The following KCNH7 variants were observed in gnomAD, a reference collection of about 807,000 sequenced individuals.
KCNH7 encodes the protein potassium voltage-gated channel subfamily H member 7, also known as voltage-gated inwardly rectifying potassium channel KCNH7.
In KCNH7, 49 loss-of-function variants were observed where a neutral mutation model predicts 120.8. The observed-to-expected ratio is 0.41, with a 90% CI of 0.32 to 0.51. The LOEUF (loss-of-function observed/expected upper bound fraction) is 0.51, where lower values mean the gene tolerates loss of function less well. Among genes scored for constraint, KCNH7 ranks in the 20% least tolerant of loss-of-function variants. The pLI, the probability that KCNH7 is intolerant of heterozygous loss-of-function variation, is 0.38. For synonymous variants in KCNH7, 547 were observed against 516.1 expected, an observed-to-expected ratio of 1.06 and a Z score of -0.81; for missense variants, 1,097 against 1,446.6, an observed-to-expected ratio of 0.76 and a Z score of 3.92.
chr2:162,582,526 C>T (rs1264183382), intron 2 of KCNH7, among the ~76,000 whole-genome samples: 3 of 152,044 alleles, frequency 2.0e-5, no homozygotes, highest in Non-Finnish European at 2.9e-5. Context: ...ACATACAGCG[C>T]TTTGACTCTG....
intron 2 of KCNH7, among the ~76,000 whole-genome samples, chr2:162,728,533 CT>C (rs1192906416): frequency 6.6e-6 from 1 of 152,190 alleles, no homozygotes; most frequent in East Asian, 1.9e-4. Context: ...AATCCCAGCA[CT>C]TTGGGAGGCC....
chr2:162,390,129 T>C (rs1352260869), intron 12 of KCNH7, among the ~76,000 whole-genome samples: 1 of 151,888 alleles, frequency 6.6e-6, no homozygotes, highest in Non-Finnish European at 1.5e-5. Context: ...ATAGCCACTT[T>C]GATACTGTAT....
chr2:162,695,940 A>G (rs1686272233), intron 2 of KCNH7, among the ~76,000 whole-genome samples: 1 of 152,212 alleles, frequency 6.6e-6, no homozygotes, highest in African/African-American at 2.4e-5. Context: ...AAGAAGCTGC[A>G]TGTAGTTAGA....
chr2:162,738,910 T>A (rs1049313128), intron 2 of KCNH7, among the ~76,000 whole-genome samples: 1 of 152,182 alleles, frequency 6.6e-6, no homozygotes, highest in African/African-American at 2.4e-5. Flanking sequence ...AGGCAGGGCA[T>A]CATTTTCATG....
In KCNH7 at chr2:162,549,115, T is replaced by A. The variant is rs369823585; in HGVS notation, c.308-12035A>T. ...CTAGACCTTGCCTCTAGTTCTGAAC[T>A]TTTACCGAGTCTTATCCCTTATGAA... On this transcript the variant is annotated intron_variant, in intron 2 of 15. Coordinates refer to ENST00000332142, the MANE Select transcript of KCNH7 (RefSeq NM_033272.4). Among the ~76,000 whole-genome samples, 178 of 152,280 alleles carry A rather than the reference T, an allele frequency of 1.2e-3. 1 individual carries two copies. Among genetic ancestry groups the A allele is most frequent in the African/African-American group, 4.2e-3 (174 of 41,576 alleles).
At chr2:162,695,168 A>G (rs1686246056) in intron 2 of KCNH7, among the ~76,000 whole-genome samples, 1 of 152,148 alleles carries the variant, frequency 6.6e-6, no homozygotes, top group South Asian at 2.1e-4. Flanking sequence ...GATACTAATG[A>G]TATTTTAAGG....
intron 2 of KCNH7, among the ~76,000 whole-genome samples, chr2:162,632,412 T>C (rs1683804083): frequency 6.6e-6 from 1 of 151,938 alleles, no homozygotes; most frequent in Admixed American, 6.6e-5. Context: ...GATTTAAAAA[T>C]CTCAGTTTCA....
chr2:162,764,144 G>A (rs955103914), intron 2 of KCNH7, among the ~76,000 whole-genome samples: 15 of 151,970 alleles, frequency 9.9e-5, no homozygotes, highest in Admixed American at 7.9e-4. Flanking sequence ...GCAACTGTAC[G>A]ATTCCTTAAG....
intron 2 of KCNH7, among the ~76,000 whole-genome samples, chr2:162,673,824 C>G (rs1001947632): frequency 1.3e-5 from 2 of 151,796 alleles, no homozygotes; most frequent in Non-Finnish European, 2.9e-5. Flanking sequence ...AGCTAAAAAT[C>G]ATTACAACTT....
At chr2:162,698,751 C>CA (rs1479790305) in intron 2 of KCNH7, among the ~76,000 whole-genome samples, 1 of 152,028 alleles carries the variant, frequency 6.6e-6, no homozygotes, top group Non-Finnish European at 1.5e-5. Flanking sequence ...AGATAAACAT[C>CA]ATGGGACTAC....
chr2:162,552,399 A>T (rs891922585), intron 2 of KCNH7, among the ~76,000 whole-genome samples: 1 of 152,196 alleles, frequency 6.6e-6, no homozygotes, highest in Non-Finnish European at 1.5e-5. Context: ...TAAGGAGCCA[A>T]ATGAAAAATA....
At chr2:162,685,315 G>C (rs1014488744) in intron 2 of KCNH7, among the ~76,000 whole-genome samples, 1 of 151,896 alleles carries the variant, frequency 6.6e-6, no homozygotes, top group Non-Finnish European at 1.5e-5. Context: ...TGCACGTTCT[G>C]GACATGTATC....
intron 6 of KCNH7, among the ~76,000 whole-genome samples, chr2:162,493,165 C>T (rs904966480): frequency 2.6e-5 from 4 of 152,054 alleles, no homozygotes; most frequent in African/African-American, 4.8e-5. Flanking sequence ...GTTTCCCTAG[C>T]CCTGCTTCTT....
intron 2 of KCNH7, among the ~76,000 whole-genome samples, chr2:162,667,828 C>T (rs192747543): frequency 6.6e-6 from 1 of 152,120 alleles, no homozygotes; most frequent in Admixed American, 6.5e-5. Flanking sequence ...GTTTTATTTC[C>T]TCCCTCTAGA....
chr2:162,412,746 T>G (rs769237445), intron 9 of KCNH7, among the ~76,000 whole-genome samples: 2 of 152,164 alleles, frequency 1.3e-5, no homozygotes, highest in African/African-American at 2.4e-5. Context: ...ATATAAAATG[T>G]AACTGTTTAA....
chr2:162,539,637 A>G (rs1337546176), intron 2 of KCNH7, among the ~76,000 whole-genome samples: 3 of 152,062 alleles, frequency 2.0e-5, no homozygotes, highest in Admixed American at 6.6e-5. Flanking sequence ...AGTGCTTTAT[A>G]TAAAAGTTCA....
chr2:162,822,332 C>A (rs1451546076), intron 2 of KCNH7, among the ~76,000 whole-genome samples: 2 of 151,800 alleles, frequency 1.3e-5, no homozygotes, highest in Non-Finnish European at 2.9e-5. Context: ...TACTGGGTAC[C>A]TGGAGCTGTT....
At chr2:162,415,345 G>A (rs1259121531) in intron 9 of KCNH7, among the ~76,000 whole-genome samples, 2 of 152,006 alleles carry the variant, frequency 1.3e-5, no homozygotes, top group African/African-American at 4.8e-5. Flanking sequence ...CAGCACAGAA[G>A]ATGCTTCCCA....
chr2:162,722,813 C>CTTTCTTTTTTTT (rs1220971256), intron 2 of KCNH7, among the ~76,000 whole-genome samples: 2 of 85,110 alleles, frequency 2.3e-5, no homozygotes, highest in Admixed American at 1.2e-4. Context: ...TTCTTTTTTT[C>CTTTCTTTTTTTT]TTTTTTTTTT....
Sources: gnomAD v4.1 joint callset for allele counts (sites outside exome capture counted in the v4.1 genomes callset) on GRCh38, gnomAD v4.1.1 for gene constraint, MANE v1.5 for transcripts, NCBI Gene and HGNC (gene_info 2026-07-23, HGNC 2026-07-21) for gene names.